ACOT12: variants seen among roughly 807,000 people sequenced by gnomAD.
ACOT12 encodes the protein acyl-CoA thioesterase 12.
ACOT12 carries 51 observed loss-of-function variants against 67.7 expected under a neutral mutation model. The observed-to-expected ratio is 0.75, with a 90% CI of 0.60 to 0.95. ACOT12 has a LOEUF of 0.95. ACOT12 is among the 40% of genes least tolerant of loss of function. The pLI is 0.00. For synonymous variants in ACOT12, 251 were observed against 244.6 expected, an observed-to-expected ratio of 1.03 and a Z score of -0.24; for missense variants, 734 against 708.1, an observed-to-expected ratio of 1.04 and a Z score of -0.41.
chr5:81,367,536 A>G (rs1449192914), intron 3 of ACOT12, among the ~76,000 whole-genome samples: 1 of 152,224 alleles, frequency 6.6e-6, no homozygotes, highest in Non-Finnish European at 1.5e-5. Context: ...TCATATTGCA[A>G]ACCCGAGAAA....
rs1760834653 is a variant in ACOT12 at position 81,390,525 on chromosome 5, T to C, written c.127+3463A>G. Among the ~76,000 whole-genome samples, 10 of 150,802 alleles carry C rather than the reference T, an allele frequency of 6.6e-5. No individual in the cohort carries two copies. The South Asian group carries it at 2.0e-3, about 30-fold the overall frequency. ...CTTTTTCTTTTGAGATGGAGTCTCA[T>C]TCTCAAATGAGACTCCAGCACTGGC... On this transcript the variant is annotated intron_variant, in intron 1 of 14. Coordinates refer to ENST00000307624, the MANE Select transcript of ACOT12 (RefSeq NM_130767.3).
Position 81,330,949 on chromosome 5 carries a change from A to G in ACOT12, c.1392-9T>C. On this transcript the variant is annotated splice_polypyrimidine_tract_variant and intron_variant, in intron 13 of 14. Transcript: ENST00000307624. ...CCACTGTGTAAGTGTTACTGAAAGAAAACACTTTCTAAGCTCTTGTGAGAA... is the reference window on the plus strand; with the variant it reads ...CCACTGTGTAAGTGTTACTGAAAGAGAACACTTTCTAAGCTCTTGTGAGAA... 1 of 1,583,938 alleles carries G rather than the reference A, an allele frequency of 6.3e-7. No homozygotes were observed. Among genetic ancestry groups the G allele is most frequent in the Non-Finnish European group, 8.6e-7 (1 of 1,167,086 alleles).
chr5:81,357,259 AT>A (rs1208944978), intron 5 of ACOT12, among the ~76,000 whole-genome samples: 2 of 152,068 alleles, frequency 1.3e-5, no homozygotes, highest in Non-Finnish European at 2.9e-5. Context: ...TTACTATATT[AT>A]TTAGAAACTA....
intron 2 of ACOT12, among the ~76,000 whole-genome samples, chr5:81,381,349 G>A (rs952557518): frequency 6.6e-6 from 1 of 152,082 alleles, no homozygotes; most frequent in Non-Finnish European, 1.5e-5. Flanking sequence ...GATTACAGGC[G>A]TGAGCCCCTG....
the ACOT12 span, chr5:81,312,937 A>G: frequency 4.9e-6 from 1 of 202,858 alleles, no homozygotes; most frequent in Non-Finnish European, 9.9e-6. Flanking sequence ...AAGTAGTTGT[A>G]TACCTGATTG....
At chr5:81,312,839 T>C in the ACOT12 span, 1 of 447,456 alleles carries the variant, frequency 2.2e-6, no homozygotes, top group East Asian at 3.5e-5. Context: ...CTTCTACCAC[T>C]GTTTGGAGAA....
chr5:81,382,632 A>G (rs111559390), intron 2 of ACOT12, among the ~76,000 whole-genome samples: 21,227 of 151,952 alleles, frequency 0.14, 1,878 homozygotes, highest in African/African-American at 0.24. Context: ...CCCCATCTCT[A>G]CTAAAAAATA....
intron 4 of ACOT12, 53 bp from the exon 5 acceptor site, chr5:81,360,091 C>G: frequency 6.4e-7 from 1 of 1,557,004 alleles, no homozygotes; most frequent in Non-Finnish European, 8.6e-7. Context: ...TATAAAAGCA[C>G]AGCATGAATT....
downstream of ACOT12, among the ~76,000 whole-genome samples, chr5:81,329,676 T>C (rs941191035): frequency 6.6e-6 from 1 of 152,342 alleles, no homozygotes; most frequent in South Asian, 2.1e-4. Flanking sequence ...GAATACTGAA[T>C]GTTGAAGTCT....
At chr5:81,353,911 T>C (rs985356543) in intron 5 of ACOT12, among the ~76,000 whole-genome samples, 5 of 152,214 alleles carry the variant, frequency 3.3e-5, no homozygotes, top group African/African-American at 4.8e-5. Context: ...GTTGGTTCTC[T>C]TCTTTTAGAA....
In ACOT12 at chr5:81,382,477, G is replaced by T. The variant is rs61661328; in HGVS notation, c.197+3280C>A. Among the ~76,000 whole-genome samples, 1,280 of 152,228 alleles carry T rather than the reference G, an allele frequency of 8.4e-3. 19 individuals carry two copies. The highest frequency in any genetic ancestry group is 0.028 in the African/African-American group (1,164 of 41,548). ...ACTGAAGAAGCTCCCACTGCTCAAAGATGGGGCAGTCTGAACTTCTGTAAG... is the reference window on the plus strand; with the variant it reads ...ACTGAAGAAGCTCCCACTGCTCAAATATGGGGCAGTCTGAACTTCTGTAAG... On this transcript the variant is annotated intron_variant, in intron 2 of 14. Transcript: ENST00000307624.
chr5:81,343,938 A>G, intron 9 of ACOT12, 57 bp from the exon 10 acceptor site: 1 of 1,471,384 alleles, frequency 6.8e-7, no homozygotes, highest in Non-Finnish European at 9.5e-7. Context: ...TTTAGCACAC[A>G]ACAATAACCA....
intron 12 of ACOT12, among the ~76,000 whole-genome samples, chr5:81,334,245 C>T (rs113539647): frequency 0.027 from 4,064 of 152,276 alleles, 72 homozygotes; most frequent in African/African-American, 0.051. Flanking sequence ...TACAGAAAGC[C>T]CTCTGTTCTT....
intron 5 of ACOT12, among the ~76,000 whole-genome samples, chr5:81,350,340 T>C (rs1297638765): frequency 6.6e-6 from 1 of 152,200 alleles, no homozygotes; most frequent in Non-Finnish European, 1.5e-5. Flanking sequence ...TTCTAGGTTA[T>C]CTTTTTTGTT....
chr5:81,386,949 T>G (rs1290228561), intron 1 of ACOT12, among the ~76,000 whole-genome samples: 1 of 151,904 alleles, frequency 6.6e-6, no homozygotes, highest in Non-Finnish European at 1.5e-5. Flanking sequence ...CACCAAACAT[T>G]TGTTAAGTTC....
chr5:81,372,061 T>C (rs1235358121), intron 2 of ACOT12, among the ~76,000 whole-genome samples: 1 of 152,200 alleles, frequency 6.6e-6, no homozygotes, highest in African/African-American at 2.4e-5. Context: ...TTTGCAGAGA[T>C]AGTGTGCGAC....
At chr5:81,330,569 T>G (rs1758785091) in intron 14 of ACOT12, 26 bp from the exon 15 acceptor site, 1 of 1,609,704 alleles carries the variant, frequency 6.2e-7, no homozygotes. Flanking sequence ...AGTACAATAT[T>G]TTAATTTCTT....
At position 81,360,038 on chromosome 5, in the gene ACOT12, T is replaced by C. The variant is rs750719241; in HGVS notation, c.361A>G (p.Ile121Val). 1 of 1,595,380 alleles carries C rather than the reference T, an allele frequency of 6.3e-7. No homozygotes were observed. Among genetic ancestry groups the C allele is most frequent in the East Asian group, 2.2e-5 (1 of 44,550 alleles). ...FVAKPVGKEKIHLKPVTLLTE... is the reference protein window; with the variant it reads ...FVAKPVGKEKVHLKPVTLLTE... The stretch of plus-strand genomic sequence containing the variant: ...AGAAGTGTGACTGGTTTTAAATGAA[T>C]CTAGAGAAAGAAAAGCATTTATCTT... Residue 121 changes from isoleucine to valine, a missense_variant and splice_region_variant, in exon 5 of 15, where the codon ATT becomes GTT. Coordinates refer to ENST00000307624, the MANE Select transcript of ACOT12 (RefSeq NM_130767.3).
intron 12 of ACOT12, among the ~76,000 whole-genome samples, chr5:81,333,938 C>T (rs1041917875): frequency 4.6e-5 from 7 of 151,468 alleles, no homozygotes; most frequent in South Asian, 2.1e-4. Context: ...ATAAAAAACC[C>T]GAGACCCTAG....
Sources: gnomAD v4.1 joint callset for allele counts (sites outside exome capture counted in the v4.1 genomes callset) on GRCh38, gnomAD v4.1.1 for gene constraint, MANE v1.5 for transcripts, NCBI Gene and HGNC (gene_info 2026-07-23, HGNC 2026-07-21) for gene names.